KRCC1: variants seen among roughly 807,000 people sequenced by gnomAD.
The protein encoded by KRCC1 is lysine-rich coiled-coil protein 1.
KRCC1 carries 3 observed loss-of-function variants against 7.4 expected under a neutral mutation model. The observed-to-expected ratio is 0.40, with a 90% CI of 0.18 to 1.04. The LOEUF (loss-of-function observed/expected upper bound fraction) is 1.04. Ranked by LOEUF, KRCC1 falls within the 50% of genes least tolerant of loss-of-function variation. The probability of loss-of-function intolerance (pLI) is 0.33; values close to 1 mark genes in which losing one functional copy is unlikely to be tolerated. For synonymous variants in KRCC1, 102 were observed against 101.6 expected (o/e 1.00, Z -0.02); for missense variants, 277 against 300.9 (o/e 0.92, Z 0.59).
intron 1 of KRCC1, among the ~76,000 whole-genome samples, chr2:88,038,210 T>C (rs374604412): frequency 2.7e-4 from 41 of 152,326 alleles, no homozygotes; most frequent in African/African-American, 9.9e-4. Context: ...AAGGAATTAA[T>C]GCATTTGGCC....
intron 1 of KRCC1, among the ~76,000 whole-genome samples, chr2:88,037,416 T>C (rs1673113429): frequency 6.6e-6 from 1 of 152,140 alleles, no homozygotes; most frequent in South Asian, 2.1e-4. Flanking sequence ...TCTAGATACA[T>C]CACCAATGTC....
At chr2:88,048,124 G>T (rs572665601) in intron 1 of KRCC1, among the ~76,000 whole-genome samples, 2 of 147,214 alleles carry the variant, frequency 1.4e-5, no homozygotes, top group South Asian at 2.1e-4. Flanking sequence ...CTCTTGTTGC[G>T]CAGGCTGGGG....
At chr2:88,048,980 C>T (rs1667075049) in intron 1 of KRCC1, among the ~76,000 whole-genome samples, 3 of 152,170 alleles carry the variant, frequency 2.0e-5, no homozygotes, top group Admixed American at 6.5e-5. Flanking sequence ...AGCATGAATA[C>T]TCTTTGCTAT....
chr2:88,038,595 G>A (rs1453532002), intron 1 of KRCC1, among the ~76,000 whole-genome samples: 2 of 152,160 alleles, frequency 1.3e-5, no homozygotes, highest in Non-Finnish European at 2.9e-5. Context: ...TTCTTACACT[G>A]TTACAAAGAC....
At position 88,028,403 on chromosome 2, in the gene KRCC1, G is replaced by T; in HGVS notation, c.161C>A (p.Pro54His). Residue 54 changes from proline (P) to histidine (H), a missense_variant, in exon 4 of 4, where the codon CCC becomes CAC. Physicochemically the swap from Pro to His is moderately conservative, Grantham distance 77 (BLOSUM62 -2). Transcript: ENST00000347055. ...TCTCTGGTCAAACATTCTATACGTG[G>T]GTCTGGAATTAACCTCTCCTTTGTA... Reference protein sequence around the residue: ...CGYKGEVNSRPTYRMFDQRLP... With the variant: ...CGYKGEVNSRHTYRMFDQRLP... 10 of 1,613,920 alleles carry T rather than the reference G, an allele frequency of 6.2e-6. No homozygotes were observed. Among genetic ancestry groups the T allele is most frequent in the Non-Finnish European group, 8.5e-6 (10 of 1,179,976 alleles).
intron 1 of KRCC1, among the ~76,000 whole-genome samples, chr2:88,052,726 ACTT>A (rs771750714): frequency 6.6e-6 from 1 of 152,150 alleles, no homozygotes; most frequent in Non-Finnish European, 1.5e-5. Context: ...TTTTTGATCT[ACTT>A]CTTCATGAAT....
chr2:88,031,485 G>T, intron 3 of KRCC1, among the ~76,000 whole-genome samples: 1 of 152,112 alleles, frequency 6.6e-6, no homozygotes, highest in Non-Finnish European at 1.5e-5. Context: ...AGCTGGGCAT[G>T]GTGGCGCATG....
intron 3 of KRCC1, among the ~76,000 whole-genome samples, chr2:88,030,871 G>A (rs866462115): frequency 6.6e-6 from 1 of 152,106 alleles, no homozygotes; most frequent in African/African-American, 2.4e-5. Flanking sequence ...AATATATGAT[G>A]GTGGTCCCAT....
chr2:88,051,816 T>C (rs372258659), intron 1 of KRCC1, among the ~76,000 whole-genome samples: 1 of 152,230 alleles, frequency 6.6e-6, no homozygotes, highest in Non-Finnish European at 1.5e-5. Flanking sequence ...ATGGAAAGAA[T>C]ACCAACACAG....
chr2:88,035,188 C>T (rs10865486), intron 2 of KRCC1, among the ~76,000 whole-genome samples: 150,958 of 152,356 alleles, frequency 0.99, 74,787 homozygotes, highest in Middle Eastern at 1. Context: ...ACTTCTAACA[C>T]AAAGTTTTAT....
chr2:88,038,704 G>A (rs1433885337), intron 1 of KRCC1, among the ~76,000 whole-genome samples: 2 of 152,218 alleles, frequency 1.3e-5, no homozygotes, highest in Non-Finnish European at 2.9e-5. Flanking sequence ...CATGGTGGAA[G>A]GTGAAGGGGA....
intron 1 of KRCC1, among the ~76,000 whole-genome samples, chr2:88,040,048 A>T (rs186376428): frequency 1.3e-5 from 2 of 152,180 alleles, no homozygotes; most frequent in Non-Finnish European, 2.9e-5. Flanking sequence ...TCTTTTGGTG[A>T]CAAACAAATC....
At position 88,034,150 on chromosome 2, in the gene KRCC1, A is replaced by T. The variant is rs1433064933; in HGVS notation, c.-39T>A. 2 of 152,616 alleles carry T rather than the reference A, an allele frequency of 1.3e-5. No homozygotes were observed. The highest frequency in any genetic ancestry group is 2.9e-5 in the Non-Finnish European group (2 of 68,030). 9.5% of individuals were successfully genotyped at this position (152,616 alleles called of 1,614,324 possible). On this transcript the variant is annotated 5_prime_UTR_variant, in exon 3 of 4. Transcript: ENST00000347055. ...CTTACTTACCCTTATCAGGCTGAGA[A>T]TTTGGTGGAGAAATCTGATCATATT...
intron 1 of KRCC1, among the ~76,000 whole-genome samples, chr2:88,044,398 A>C (rs1673283902): frequency 3.1e-5 from 1 of 32,598 alleles, no homozygotes; most frequent in Non-Finnish European, 9.2e-5. Context: ...CTACAAAAGA[A>C]AACAAAAAAA....
chr2:88,033,043 T>C (rs2104606568), intron 3 of KRCC1, among the ~76,000 whole-genome samples: 1 of 152,312 alleles, frequency 6.6e-6, no homozygotes, highest in South Asian at 2.1e-4. Context: ...CAGTGGTTGC[T>C]TGGGGAGAGA....
chr2:88,052,859 T>G (rs1220148809), intron 1 of KRCC1, among the ~76,000 whole-genome samples: 1 of 152,248 alleles, frequency 6.6e-6, no homozygotes, highest in East Asian at 1.9e-4. Flanking sequence ...GTCATGTTTT[T>G]GTTTCTTAAA....
chr2:88,047,671 G>A (rs1436010361), intron 1 of KRCC1, among the ~76,000 whole-genome samples: 1 of 152,044 alleles, frequency 6.6e-6, no homozygotes, highest in East Asian at 1.9e-4. Context: ...TGGGACTACA[G>A]GCACACACCA....
At chr2:88,036,039 A>T (rs1463834887) in intron 2 of KRCC1, among the ~76,000 whole-genome samples, 1 of 152,220 alleles carries the variant, frequency 6.6e-6, no homozygotes, top group African/African-American at 2.4e-5. Flanking sequence ...GACTGTAATT[A>T]TGGTACTTTA....
intron 1 of KRCC1, among the ~76,000 whole-genome samples, chr2:88,049,403 T>C (rs1340269956): frequency 6.6e-6 from 1 of 152,172 alleles, no homozygotes; most frequent in Non-Finnish European, 1.5e-5. Flanking sequence ...GCTTACGTCC[T>C]TGGGAAGCTG....
Sources: gnomAD v4.1 joint callset for allele counts (sites outside exome capture counted in the v4.1 genomes callset) on GRCh38, gnomAD v4.1.1 for gene constraint, MANE v1.5 for transcripts, NCBI Gene and HGNC (gene_info 2026-07-23, HGNC 2026-07-21) for gene names.